Variants in NAV3 observed in about 807,000 individuals in gnomAD.
The protein encoded by NAV3 is neuron navigator 3, also known as pore membrane and/or filament interacting like protein 1.
A neutral mutation model predicts 244.7 loss-of-function variants in NAV3; 87 were observed. The observed-to-expected ratio is 0.36, with a 90% CI of 0.30 to 0.42. The LOEUF (loss-of-function observed/expected upper bound fraction) is 0.42, where lower values mean the gene tolerates loss of function less well. NAV3 is among the 20% of genes least tolerant of loss of function. NAV3 has a pLI of 1.00. For synonymous variants in NAV3, 1,126 were observed against 1,042.2 expected, an observed-to-expected ratio of 1.08 and a Z score of -1.55; for missense variants, 2,663 against 2,893.3, an observed-to-expected ratio of 0.92 and a Z score of 1.83.
chr12:77,984,415 C>T (rs774637202), intron 5 of NAV3, among the ~76,000 whole-genome samples: 17 of 151,634 alleles, frequency 1.1e-4, no homozygotes, highest in South Asian at 6.2e-4. Flanking sequence ...AGGGTAATAG[C>T]GGCTAAAATT....
At position 77,906,207 on chromosome 12, in the gene NAV3, A is replaced by G. The variant is rs180673738; in HGVS notation, c.244-34112A>G. Among the ~76,000 whole-genome samples the G allele has an allele frequency of 4.6e-5, 7 of 152,206 alleles. No homozygotes were observed. In the East Asian group the frequency reaches 1.4e-3, roughly 29 times the overall value. On this transcript the variant is annotated intron_variant, in intron 1 of 39. Transcript: ENST00000397909. ...GCAGGGAAAAGCAGGGTTGAAATAC[A>G]TTAGAGATAAACACAGACAGACAGA...
At chr12:77,713,163 C>T (rs369204645) in intron 2 of NAV3, among the ~76,000 whole-genome samples, 6 of 152,238 alleles carry the variant, frequency 3.9e-5, no homozygotes, top group South Asian at 4.2e-4. Flanking sequence ...CTGCTCTGTG[C>T]GTTTGCACAT....
In NAV3 at chr12:77,799,822, A is replaced by C. The variant is rs377072318; in HGVS notation, c.73-140497A>C. ...ATGTTACATATGTGGATGTGAATGT[A>C]TATATCTTTACATATGTATATATAT... is the stretch of plus-strand genomic sequence containing the variant. On this transcript the variant is annotated intron_variant, in intron 2 of 8. Coordinates refer to the NAV3 transcript ENST00000550042. Among the ~76,000 whole-genome samples the C allele has an allele frequency of 5.3e-5, 8 of 152,138 alleles. No individual in the cohort carries two copies. In the South Asian group the frequency reaches 1.4e-3, roughly 28 times the overall value.
At chr12:77,931,416 T>A (rs1045138658) in intron 1 of NAV3, among the ~76,000 whole-genome samples, 6 of 151,816 alleles carry the variant, frequency 4.0e-5, no homozygotes, top group African/African-American at 1.5e-4. Context: ...GTATTAATTT[T>A]AATTTCCCTG....
At chr12:77,634,190 G>C (rs1872052105) in intron 2 of NAV3, among the ~76,000 whole-genome samples, 1 of 151,394 alleles carries the variant, frequency 6.6e-6, no homozygotes, top group Non-Finnish European at 1.5e-5. Flanking sequence ...CTGTTAAATA[G>C]CTTAACTGGT....
chr12:77,797,313 C>G (rs1336858830), intron 2 of NAV3, among the ~76,000 whole-genome samples: 1 of 151,974 alleles, frequency 6.6e-6, no homozygotes, highest in Non-Finnish European at 1.5e-5. Context: ...TTCTCAGGCT[C>G]TCATTTGTTT....
rs2138609466 is a variant in NAV3, at chr12:78,119,421, A to G, written c.3225A>G (p.Ser1075=). The change falls in exon 15 of 40, where the codon TCA becomes TCG. Residue 1075 remains serine (S), a synonymous_variant. Transcript: ENST00000397909. ...TTAAGAAACCAAGTGGAGTAGGGTC[A>G]TCTGCCATGATCACCAGCAGTGGAG... ...FGFKKPSGVG[S]SAMITSSGAT... 1.2e-6 allele frequency: 2 copies of G among 1,614,228 alleles called. No homozygotes were observed. The highest frequency in any genetic ancestry group is 1.3e-5 in the African/African-American group (1 of 75,074).
intron 3 of NAV3, among the ~76,000 whole-genome samples, chr12:77,960,043 A>C (rs900416648): frequency 6.6e-6 from 1 of 151,646 alleles, no homozygotes; most frequent in Non-Finnish European, 1.5e-5. Context: ...GTCAACAGTA[A>C]TGCATTAAGC....
chr12:77,633,139 A>T (rs1372076895), intron 2 of NAV3, among the ~76,000 whole-genome samples: 1 of 152,134 alleles, frequency 6.6e-6, no homozygotes, highest in Admixed American at 6.5e-5. Context: ...TACAAGTATT[A>T]TCTAATTATA....
At chr12:77,640,105 T>G (rs1055339787) in intron 2 of NAV3, among the ~76,000 whole-genome samples, 2 of 152,198 alleles carry the variant, frequency 1.3e-5, no homozygotes, top group Non-Finnish European at 2.9e-5. Context: ...TCCTCTGTTA[T>G]ACACATGTAG....
intron 7 of NAV3, among the ~76,000 whole-genome samples, chr12:77,999,428 T>C (rs1872870304): frequency 6.6e-6 from 1 of 152,218 alleles, no homozygotes; most frequent in Non-Finnish European, 1.5e-5. Flanking sequence ...TGTGGGAACG[T>C]TTTTGCTCAA....
Position 78,181,102 on chromosome 12 carries a change from G to A in NAV3, c.5692+57G>A, listed in dbSNP as rs1454425055. 3.9e-6 allele frequency: 6 copies of A among 1,530,128 alleles called. No homozygotes were observed. In the East Asian group the frequency reaches 9.2e-5, roughly 23 times the overall value. 94.8% of individuals were successfully genotyped at this position (1,530,128 alleles called of 1,614,324 possible). On this transcript the variant is annotated intron_variant, in intron 30 of 39. Coordinates refer to ENST00000397909, the MANE Select transcript of NAV3 (RefSeq NM_001024383.2). Reference sequence around the variant, plus strand: ...AGCATACCCATGAGTTAACGGGTGGGAAGCCTGGAATTTGGAGAACTTTAC... The same window carrying A: ...AGCATACCCATGAGTTAACGGGTGGAAAGCCTGGAATTTGGAGAACTTTAC...
chr12:77,574,419 T>A (rs759364768), intron 2 of NAV3, among the ~76,000 whole-genome samples: 2 of 152,196 alleles, frequency 1.3e-5, no homozygotes, highest in African/African-American at 4.8e-5. Context: ...GGTAACATCA[T>A]AAATCTTTGT....
chr12:77,945,735 GTTACT>G (rs1300125003), intron 3 of NAV3, among the ~76,000 whole-genome samples: 1 of 151,628 alleles, frequency 6.6e-6, no homozygotes, highest in Non-Finnish European at 1.5e-5. Flanking sequence ...TGGTTTAATG[GTTACT>G]TTATTTATTA....
intron 2 of NAV3, among the ~76,000 whole-genome samples, chr12:77,620,500 T>C (rs908479150): frequency 6.6e-6 from 1 of 152,112 alleles, no homozygotes; most frequent in African/African-American, 2.4e-5. Flanking sequence ...TCTCACTCTG[T>C]TGCCTAGGCT....
chr12:77,654,363 G>C (rs1248974511), intron 2 of NAV3, among the ~76,000 whole-genome samples: 1 of 152,226 alleles, frequency 6.6e-6, no homozygotes, highest in Non-Finnish European at 1.5e-5. Flanking sequence ...TAGTACAGCA[G>C]TCTGAGATCA....
intron 2 of NAV3, among the ~76,000 whole-genome samples, chr12:77,767,824 C>T (rs1869857875): frequency 6.6e-6 from 1 of 152,176 alleles, no homozygotes; most frequent in South Asian, 2.1e-4. Context: ...TTTTTTCCTT[C>T]CCATTGCCTG....
At chr12:77,897,316 C>T (rs1286265177) in intron 1 of NAV3, among the ~76,000 whole-genome samples, 1 of 152,174 alleles carries the variant, frequency 6.6e-6, no homozygotes, top group Non-Finnish European at 1.5e-5. Context: ...GTACCTGCTA[C>T]CAGCAGTTTC....
chr12:77,938,018 G>T (rs142931808), intron 1 of NAV3, among the ~76,000 whole-genome samples: 18 of 152,152 alleles, frequency 1.2e-4, no homozygotes, highest in African/African-American at 2.9e-4. Context: ...CTTGTCCAGG[G>T]TTCCACTGGT....
Sources: allele counts gnomAD v4.1 joint callset (sites outside exome capture counted in the v4.1 genomes callset), GRCh38; gene constraint gnomAD v4.1.1; transcripts MANE v1.5; gene names NCBI Gene and HGNC (gene_info 2026-07-23, HGNC 2026-07-21).